PDE12: variants seen among roughly 807,000 people sequenced by gnomAD.
The protein encoded by PDE12 is phosphodiesterase 12, also known as 2',5'-phosphodiesterase 12.
PDE12 carries 26 observed loss-of-function variants against 45.4 expected under a neutral mutation model. The ratio of observed to expected loss-of-function variants is 0.57; its 90% CI spans 0.42 to 0.79. The LOEUF (loss-of-function observed/expected upper bound fraction) is 0.79, where lower values mean the gene tolerates loss of function less well. Among genes scored for constraint, PDE12 ranks in the 30% least tolerant of loss-of-function variants. PDE12 has a pLI of 0.00. For synonymous variants in PDE12, 283 were observed against 323.9 expected (o/e 0.87, Z 1.36); for missense variants, 668 against 790.0 (o/e 0.85, Z 1.85).
chr3:57,626,188 G>A, the PDE12 span: 1 of 152,720 alleles, frequency 6.5e-6, no homozygotes, highest in South Asian at 2.1e-4. Flanking sequence ...TATGCTTCAA[G>A]AGACTGTATC....
chr3:57,585,246 A>C, the PDE12 span, among the ~76,000 whole-genome samples: 1 of 152,230 alleles, frequency 6.6e-6, no homozygotes, highest in African/African-American at 2.4e-5. Context: ...ATTTGTAAAA[A>C]TATTTTCTCT....
the PDE12 span, among the ~76,000 whole-genome samples, chr3:57,601,775 C>T: frequency 2.3e-5 from 3 of 131,902 alleles, no homozygotes; most frequent in African/African-American, 5.9e-5. Context: ...GAGACAGTCT[C>T]GCTGTGTCAC....
the PDE12 span, among the ~76,000 whole-genome samples, chr3:57,637,664 A>G: frequency 1.3e-5 from 2 of 151,978 alleles, no homozygotes; most frequent in African/African-American, 4.8e-5. Flanking sequence ...AAGCAGAAAA[A>G]TACTCCAAGA....
chr3:57,567,882 C>A (rs1015471686), downstream of PDE12, among the ~76,000 whole-genome samples: 7 of 151,936 alleles, frequency 4.6e-5, no homozygotes, highest in African/African-American at 1.7e-4. Flanking sequence ...GCCTGGCCAA[C>A]ATGGTGAAAC....
At chr3:57,649,004 A>C in the PDE12 span, among the ~76,000 whole-genome samples, 2 of 152,196 alleles carry the variant, frequency 1.3e-5, no homozygotes, top group Non-Finnish European at 2.9e-5. Context: ...CAACAAAACA[A>C]AGATAAATAG....
At chr3:57,628,949 A>G in the PDE12 span, 11 of 1,434,126 alleles carry the variant, frequency 7.7e-6, no homozygotes, top group Non-Finnish European at 9.6e-6. Context: ...CTCTATTTCA[A>G]TAGGTAAGGC....
At chr3:57,641,590 A>C in the PDE12 span, 18 of 1,377,774 alleles carry the variant, frequency 1.3e-5, no homozygotes, top group African/African-American at 1.2e-4. Context: ...TCAAGGATGA[A>C]AAGAAAGAAA....
chr3:57,633,340 T>C, the PDE12 span: 2 of 1,613,700 alleles, frequency 1.2e-6, no homozygotes, highest in Non-Finnish European at 8.5e-7. Context: ...CAGAAGGACG[T>C]TTCTGTTGTA....
At chr3:57,604,058 A>G in the PDE12 span, among the ~76,000 whole-genome samples, 1 of 151,298 alleles carries the variant, frequency 6.6e-6, no homozygotes, top group East Asian at 2.0e-4. Flanking sequence ...CAAGTAGCTG[A>G]GATTACAGGC....
downstream of PDE12, among the ~76,000 whole-genome samples, chr3:57,570,379 T>TC (rs1298672287): frequency 2.3e-5 from 3 of 131,398 alleles, no homozygotes; most frequent in African/African-American, 9.3e-5. Flanking sequence ...CCAGACCCTT[T>TC]TTTTTTTTTT....
chr3:57,640,344 G>A, the PDE12 span, among the ~76,000 whole-genome samples: 1 of 151,334 alleles, frequency 6.6e-6, no homozygotes, highest in Admixed American at 6.6e-5. Flanking sequence ...TGTAATCCCA[G>A]CACTTTGGGA....
At chr3:57,617,766 CTGAGGT>C in the PDE12 span, among the ~76,000 whole-genome samples, 3 of 151,954 alleles carry the variant, frequency 2.0e-5, no homozygotes, top group Non-Finnish European at 4.4e-5. Context: ...ACCAGGAAGG[CTGAGGT>C]CGGGGGACCC....
chr3:57,582,010 G>A, the PDE12 span, among the ~76,000 whole-genome samples: 1 of 152,120 alleles, frequency 6.6e-6, no homozygotes, highest in East Asian at 1.9e-4. Context: ...AAACTCCCTG[G>A]AGTATATCGG....
At chr3:57,585,001 C>T in the PDE12 span, among the ~76,000 whole-genome samples, 2 of 151,954 alleles carry the variant, frequency 1.3e-5, no homozygotes, top group Admixed American at 6.6e-5. Flanking sequence ...GTAGCTGGGA[C>T]TACAGGCGCC....
At chr3:57,586,667 T>C in the PDE12 span, among the ~76,000 whole-genome samples, 1 of 152,122 alleles carries the variant, frequency 6.6e-6, no homozygotes, top group African/African-American at 2.4e-5. Flanking sequence ...AACCAACTGT[T>C]ATACAAGTGT....
chr3:57,597,329 G>A, the PDE12 span: 31 of 539,704 alleles, frequency 5.7e-5, 1 homozygote, highest in Admixed American at 7.4e-4. Context: ...GCCGGTAGAG[G>A]ACCTGCTAGG....
the PDE12 span, chr3:57,628,337 A>T: frequency 5.0e-6 from 8 of 1,613,726 alleles, no homozygotes; most frequent in South Asian, 8.8e-5. Context: ...GCTCTCGATC[A>T]GCCTGCAACT....
At chr3:57,637,013 C>A in the PDE12 span, among the ~76,000 whole-genome samples, 740 of 150,832 alleles carry the variant, frequency 4.9e-3, 5 homozygotes, top group African/African-American at 0.017. Flanking sequence ...AATACAGAAG[C>A]ATGAACATGT....
the PDE12 span, among the ~76,000 whole-genome samples, chr3:57,586,034 C>G: frequency 6.6e-6 from 1 of 152,092 alleles, no homozygotes; most frequent in African/African-American, 2.4e-5. Context: ...GAAAAAAAAT[C>G]CACACTAGAA....
Sources: allele counts gnomAD v4.1 joint callset (sites outside exome capture counted in the v4.1 genomes callset), GRCh38; gene constraint gnomAD v4.1.1; transcripts MANE v1.5; gene names NCBI Gene and HGNC (gene_info 2026-07-23, HGNC 2026-07-21).